MAST4: variants seen among roughly 807,000 people sequenced by gnomAD.
The protein encoded by MAST4 is microtubule associated serine/threonine kinase family member 4.
Under a neutral mutation model 162.7 loss-of-function variants are expected in MAST4, and 89 were observed. The ratio of observed to expected loss-of-function variants is 0.55; its 90% CI spans 0.46 to 0.65. MAST4 has a LOEUF of 0.65. Ranked by LOEUF, MAST4 falls within the 30% of genes least tolerant of loss-of-function variation. The pLI is 0.00. For missense variants in MAST4, 3,153 were observed against 3,374.0 expected (o/e 0.93, Z 1.62); for synonymous variants, 1,479 against 1,361.1 (o/e 1.09, Z -1.91).
rs544272612 is a variant in MAST4 at position 66,981,699 on chromosome 5, G to A, written c.675-72705G>A. ...ATTTGGGTTTTTGACAGAGAATGCA[G>A]ACTAGGGCCAAGCTTATTTTTGCCC... On this transcript the variant is annotated intron_variant, in intron 4 of 28. Coordinates refer to ENST00000403625, the MANE Select transcript of MAST4 (RefSeq NM_001164664.2). Among the ~76,000 whole-genome samples, 14 of 152,296 alleles carry A rather than the reference G, an allele frequency of 9.2e-5. No individual in the cohort carries two copies. The South Asian group carries it at 2.9e-3, about 32-fold the overall frequency.
chr5:66,716,172 A>G (rs890734861), intron 1 of MAST4, among the ~76,000 whole-genome samples: 9 of 152,202 alleles, frequency 5.9e-5, no homozygotes, highest in Non-Finnish European at 5.9e-5. Flanking sequence ...TTGAGCGTAA[A>G]AGGGAAGGTT....
chr5:66,922,835 T>G (rs1764630125), intron 4 of MAST4, among the ~76,000 whole-genome samples: 2 of 152,086 alleles, frequency 1.3e-5, no homozygotes, highest in African/African-American at 4.8e-5. Context: ...TAAGAATGAG[T>G]AGGATATTCA....
At chr5:66,678,797 T>G (rs1326040352) in intron 1 of MAST4, among the ~76,000 whole-genome samples, 598 of 20,990 alleles carry the variant, frequency 0.028, 2 homozygotes, top group African/African-American at 0.031. Context: ...CGGCCCCCAA[T>G]TTTTTTTTTT....
At chr5:66,650,400 A>T (rs890385306) in intron 1 of MAST4, among the ~76,000 whole-genome samples, 1 of 152,162 alleles carries the variant, frequency 6.6e-6, no homozygotes, top group Non-Finnish European at 1.5e-5. Context: ...TCTGTGGAGT[A>T]AATACTCCCA....
At chr5:67,105,025 C>G (rs1383915751) in intron 10 of MAST4, among the ~76,000 whole-genome samples, 1 of 152,178 alleles carries the variant, frequency 6.6e-6, no homozygotes, top group African/African-American at 2.4e-5. Context: ...TAGTGAATGG[C>G]AACCTATATT....
Position 67,104,506 on chromosome 5 carries a change from C to A in MAST4, c.1287C>A (p.Ser429=). The A allele has an allele frequency of 6.2e-7, 1 of 1,613,834 alleles. No homozygotes were observed. Among genetic ancestry groups the A allele is most frequent in the Non-Finnish European group, 8.5e-7 (1 of 1,179,828 alleles). ...TGGCTCGAGATTGCTTGGATAAATC[C>A]CACCAGGGCCTCATCACCTCACGAT... ...IELARDCLDK[S]HQGLITSRYF... The change falls in exon 10 of 29, where the codon TCC becomes TCA. Residue 429 remains serine (S), a synonymous_variant. Coordinates refer to ENST00000403625, the MANE Select transcript of MAST4 (RefSeq NM_001164664.2).
intron 1 of MAST4, among the ~76,000 whole-genome samples, chr5:66,724,629 A>G (rs58331610): frequency 0.18 from 28,076 of 152,070 alleles, 3,224 homozygotes; most frequent in East Asian, 0.47. Flanking sequence ...AGCTTACTAC[A>G]TACCTAGGCT....
chr5:67,163,244 A>G lies in MAST4; in HGVS notation c.4065A>G (p.Ala1355=), dbSNP rs1773430571. ...HIRPSTLHGL[A]PKLGGQRYRS... ...GGCCCAGCACTCTCCACGGTCTTGC[A>G]CCCAAACTCGGCGGGCAGCGGTACC... is the stretch of plus-strand genomic sequence containing the variant. Residue 1355 remains alanine, a synonymous_variant, in exon 29 of 29, where the codon GCA becomes GCG. Coordinates refer to ENST00000403625, the MANE Select transcript of MAST4 (RefSeq NM_001164664.2). The surrounding 1 kb of genome is among the most constrained non-coding windows in gnomAD (Gnocchi z 7.0). 4 of 1,613,630 alleles carry G rather than the reference A, an allele frequency of 2.5e-6. No homozygotes were observed. Among genetic ancestry groups the G allele is most frequent in the Non-Finnish European group, 1.7e-6 (2 of 1,179,858 alleles).
At chr5:66,641,595 G>A (rs1384099904) in intron 1 of MAST4, among the ~76,000 whole-genome samples, 2 of 152,198 alleles carry the variant, frequency 1.3e-5, no homozygotes, top group African/African-American at 4.8e-5. Flanking sequence ...GAGGAACTAG[G>A]CTTTCTGGGA....
At chr5:67,032,657 C>G (rs553723031) in intron 4 of MAST4, among the ~76,000 whole-genome samples, 1 of 152,104 alleles carries the variant, frequency 6.6e-6, no homozygotes, top group Non-Finnish European at 1.5e-5. Flanking sequence ...ATAGTCTGGT[C>G]TGTCTGGATC....
intron 1 of MAST4, among the ~76,000 whole-genome samples, chr5:66,640,239 G>T (rs1745398622): frequency 6.6e-6 from 1 of 151,878 alleles, no homozygotes; most frequent in African/African-American, 2.4e-5. Flanking sequence ...GTCACAAATG[G>T]CAGAATCTCT....
chr5:67,053,941 A>G (rs1278053641), intron 4 of MAST4, among the ~76,000 whole-genome samples: 3 of 152,252 alleles, frequency 2.0e-5, no homozygotes, highest in African/African-American at 4.8e-5. Flanking sequence ...CAGCTATTCT[A>G]TTGACAAAAG....
At chr5:66,807,657 G>T (rs926631923) in intron 3 of MAST4, among the ~76,000 whole-genome samples, 1 of 151,898 alleles carries the variant, frequency 6.6e-6, no homozygotes. Context: ...CTAATTCTCT[G>T]TGCCCCACTT....
At chr5:67,090,266 T>C (rs1763682204) in intron 6 of MAST4, 35 bp downstream of exon 6, 1 of 1,536,396 alleles carries the variant, frequency 6.5e-7, no homozygotes, top group East Asian at 2.3e-5. Flanking sequence ...CATAAGGTCT[T>C]ATAGAGAGAA....
intron 5 of MAST4, among the ~76,000 whole-genome samples, chr5:67,079,643 A>G (rs1187336899): frequency 1.3e-5 from 2 of 152,186 alleles, no homozygotes; most frequent in Non-Finnish European, 2.9e-5. Flanking sequence ...CCATGTATAT[A>G]TCATTGCTCT....
At chr5:66,875,995 G>T (rs1387567159) in intron 3 of MAST4, among the ~76,000 whole-genome samples, 3 of 152,116 alleles carry the variant, frequency 2.0e-5, no homozygotes, top group Non-Finnish European at 4.4e-5. Flanking sequence ...CTCAAACTCT[G>T]GGGTCAAGCA....
intron 18 of MAST4, 60 bp from the exon 19 acceptor site, chr5:67,136,503 T>G (rs1162992067): frequency 1.3e-5 from 16 of 1,264,794 alleles, no homozygotes; most frequent in Non-Finnish European, 1.6e-5. Flanking sequence ...ATGTCCATGT[T>G]GCTGGGACCT....
intron 7 of MAST4, 125 bp from the exon 8 acceptor site, chr5:67,100,310 C>T (rs1764891961): frequency 2.2e-6 from 2 of 919,252 alleles, no homozygotes; most frequent in Non-Finnish European, 3.2e-6. Flanking sequence ...GTTCTTATAA[C>T]TTTAACATGA....
intron 5 of MAST4, among the ~76,000 whole-genome samples, chr5:67,078,674 T>TA (rs1354661620): frequency 7.7e-6 from 1 of 130,480 alleles, no homozygotes; most frequent in Admixed American, 8.1e-5. Flanking sequence ...TATATTTATA[T>TA]TATATTTATT....
Sources: allele counts gnomAD v4.1 joint callset (sites outside exome capture counted in the v4.1 genomes callset), GRCh38; gene constraint gnomAD v4.1.1; non-coding constraint Gnocchi (gnomAD v3.1); transcripts MANE v1.5; gene names NCBI Gene and HGNC (gene_info 2026-07-23, HGNC 2026-07-21).